The following PLCB4 variants were observed in gnomAD, a reference collection of about 807,000 sequenced individuals.
PLCB4 encodes 1-phosphatidylinositol 4,5-bisphosphate phosphodiesterase beta-4.
A neutral mutation model predicts 178.8 loss-of-function variants in PLCB4; 77 were observed. The observed-to-expected ratio is 0.43, with a 90% CI of 0.36 to 0.52. The LOEUF is 0.52. PLCB4 is among the 20% of genes least tolerant of loss of function. The pLI is 0.00. For synonymous variants in PLCB4, 496 were observed against 490.8 expected (o/e 1.01, Z -0.14); for missense variants, 1,024 against 1,453.4 (o/e 0.70, Z 4.80).
At chr20:9,399,745 G>A (rs766317782) in intron 19 of PLCB4, among the ~76,000 whole-genome samples, 8 of 152,222 alleles carry the variant, frequency 5.3e-5, no homozygotes, top group Non-Finnish European at 1.0e-4. Context: ...TTTGGGGTAT[G>A]CCCCTTGCCT....
chr20:9,337,195 A>G lies in PLCB4; in HGVS notation c.154A>G (p.Ser52Gly). ...DEFGFFLTWR[S>G]EGKEGQVLEC... is the part of the protein sequence containing the mutation. ...GTTTGGCTTCTTTCTGACATGGAGA[A>G]GTGAAGGCAAGGTATGGCCCAAGAA... Residue 52 changes from serine to glycine, a missense_variant, in exon 5 of 40, where the codon AGT becomes GGT. Ser to Gly is a moderately conservative substitution (Grantham distance 56). Around this residue, in one of 7 missense-constraint regions of PLCB4, gnomAD observed 225 missense variants for 291.0 expected, o/e 0.77. Coordinates refer to ENST00000378473, the MANE Select transcript of PLCB4 (RefSeq NM_001377142.1). 2 of 1,612,090 alleles carry G rather than the reference A, an allele frequency of 1.2e-6. No homozygotes were observed. Among genetic ancestry groups the G allele is most frequent in the Non-Finnish European group, 1.7e-6 (2 of 1,178,310 alleles).
Position 9,419,857 on chromosome 20 carries a change from C to T in PLCB4, c.2102C>T (p.Pro701Leu). The change falls in exon 26 of 40, where the codon CCC (proline) becomes CTC (leucine). Residue 701 changes from proline (P) to leucine (L), a missense_variant. Physicochemically the swap from Pro to Leu is moderately conservative, Grantham distance 98. Transcript: ENST00000378473. ...FMRRPDRTFD[P>L]FSETPVDGVI... ...AGGCGGCCTGATCGAACATTTGACC[C>T]CTTCTCTGAAACTCCTGTTGATGGT... 1.2e-6 allele frequency: 2 copies of T among 1,614,116 alleles called. No individual in the cohort carries two copies. The highest frequency in any genetic ancestry group is 1.7e-6 in the Non-Finnish European group (2 of 1,179,966).
Sources: gnomAD v4.1 joint callset for allele counts (sites outside exome capture counted in the v4.1 genomes callset) on GRCh38, gnomAD v4.1.1 for gene constraint, gnomAD v4.1.1 regional missense constraint, MANE v1.5 for transcripts, NCBI Gene and HGNC (gene_info 2026-07-23, HGNC 2026-07-21) for gene names.